The following ZNF100 variants were observed in gnomAD, a reference collection of about 807,000 sequenced individuals.
ZNF100 encodes zinc finger protein 100, also known as zinc finger protein 100 (Y1).
Under a neutral mutation model 15.8 loss-of-function variants are expected in ZNF100, and 12 were observed. That is an observed-to-expected ratio of 0.76 (90% confidence interval 0.49 to 1.23). ZNF100 has a LOEUF of 1.23. Among genes scored for constraint, ZNF100 ranks in the 50% most tolerant of loss-of-function variants. The pLI, the probability that ZNF100 is intolerant of heterozygous loss-of-function variation, is 0.00. For missense variants in ZNF100, 670 were observed against 635.6 expected (o/e 1.05, Z -0.58); for synonymous variants, 226 against 214.8 (o/e 1.05, Z -0.45).
chr19:21,738,493 A>C (rs2036050778), intron 4 of ZNF100, among the ~76,000 whole-genome samples: 1 of 151,958 alleles, frequency 6.6e-6, no homozygotes, highest in South Asian at 2.1e-4. Flanking sequence ...AGAATAGAGA[A>C]CTCAGAAATA....
intron 4 of ZNF100, among the ~76,000 whole-genome samples, chr19:21,741,646 AT>A (rs1259670245): frequency 1.3e-5 from 2 of 150,886 alleles, no homozygotes; most frequent in African/African-American, 2.4e-5. Flanking sequence ...AAGTGCTAGG[AT>A]TACAGGCATG....
intron 2 of ZNF100, among the ~76,000 whole-genome samples, chr19:21,745,738 G>A (rs2036202169): frequency 6.6e-6 from 1 of 152,008 alleles, no homozygotes; most frequent in Admixed American, 6.6e-5. Flanking sequence ...TAGCCAGGAT[G>A]GTCTCGATCT....
At position 21,724,614 on chromosome 19, in the gene ZNF100, G is replaced by A. The variant is rs576211939; in HGVS notation, c.*2069C>T. On this transcript the variant is annotated 3_prime_UTR_variant, in exon 5 of 5. Transcript: ENST00000358296. ...AAACTGGGTTGCTTGTAATACAAAG[G>A]ATAAATACTAGAGGTGATGGATACC... 6.6e-6 allele frequency: 1 copy of A among 151,944 alleles called. No individual in the cohort carries two copies. The highest frequency in any genetic ancestry group is 2.4e-5 in the African/African-American group (1 of 41,414). The allele number at this position is 151,944 out of a possible 1,614,324, so 9.4% of individuals were successfully genotyped here.
intron 4 of ZNF100, among the ~76,000 whole-genome samples, chr19:21,735,310 C>T (rs779619658): frequency 2.6e-5 from 4 of 151,868 alleles, no homozygotes; most frequent in South Asian, 2.1e-4. Flanking sequence ...TTAGCTAACA[C>T]GGTGAAACCC....
chr19:21,742,707 A>G (rs2036139339), intron 4 of ZNF100, among the ~76,000 whole-genome samples: 1 of 152,070 alleles, frequency 6.6e-6, no homozygotes, highest in African/African-American at 2.4e-5. Flanking sequence ...GGATCATATG[A>G]TCTTATATAT....
At position 21,727,922 on chromosome 19, in the gene ZNF100, C is replaced by A. The variant is rs573156515; in HGVS notation, c.390G>T (p.Ala130=). The A allele has an allele frequency of 1.3e-6, 2 of 1,592,188 alleles. No homozygotes were observed. Among genetic ancestry groups the A allele is most frequent in the South Asian group, 1.2e-5 (1 of 86,146 alleles). ...EQDIKDSFQE[A]ILKKYGKYGH... is the part of the protein sequence containing the mutation. Reference sequence around the variant, plus strand: ...CATATTTTCCATATTTTTTCAGAATCGCTTCTTGAAAAGAATCTTTAATGT... The same window carrying A: ...CATATTTTCCATATTTTTTCAGAATAGCTTCTTGAAAAGAATCTTTAATGT... Residue 130 remains alanine, a synonymous_variant, in exon 5 of 5, where the codon GCG becomes GCT. Coordinates refer to ENST00000358296, the MANE Select transcript of ZNF100 (RefSeq NM_173531.4).
In ZNF100 at chr19:21,730,034, CAG is replaced by C. The variant is rs533273203; in HGVS notation, c.323-2047_323-2046del. On this transcript the variant is annotated intron_variant, in intron 4 of 4. Coordinates refer to ENST00000358296, the MANE Select transcript of ZNF100 (RefSeq NM_173531.4). ...ATATAAAAATAAAAAGATACAAAGA[CAG>C]AGAGAAAATGAGTGACCAAGATATA... Among the ~76,000 whole-genome samples the C allele has an allele frequency of 3.1e-4, 46 of 150,148 alleles. No homozygotes were observed. In the South Asian group the frequency reaches 8.1e-3, roughly 27 times the overall value.
intron 2 of ZNF100, among the ~76,000 whole-genome samples, chr19:21,763,297 A>G (rs1396829344): frequency 2.8e-5 from 1 of 35,274 alleles, no homozygotes; most frequent in African/African-American, 6.6e-5. Flanking sequence ...TCTTTTTCTC[A>G]TGAAAAAAAA....
chr19:21,746,599 G>T (rs2036215427), intron 2 of ZNF100, among the ~76,000 whole-genome samples: 1 of 152,070 alleles, frequency 6.6e-6, no homozygotes, highest in Admixed American at 6.6e-5. Flanking sequence ...TAGGAATTCT[G>T]CATGGCATAT....
chr19:21,750,264 C>T (rs1182275362), intron 2 of ZNF100, among the ~76,000 whole-genome samples: 2 of 152,144 alleles, frequency 1.3e-5, no homozygotes, highest in East Asian at 1.9e-4. Context: ...TTAATTCTAC[C>T]AGATGTACAA....
chr19:21,742,021 G>A (rs1468435163), intron 4 of ZNF100, among the ~76,000 whole-genome samples: 1 of 152,020 alleles, frequency 6.6e-6, no homozygotes, highest in Non-Finnish European at 1.5e-5. Context: ...GGTAGGCTGG[G>A]CGCGGTGGCC....
Position 21,744,961 on chromosome 19 carries a change from T to C in ZNF100, c.203A>G (p.Tyr68Cys). 6.2e-7 allele frequency: 1 copy of C among 1,610,084 alleles called. No homozygotes were observed. Among genetic ancestry groups the C allele is most frequent in the Non-Finnish European group, 8.5e-7 (1 of 1,179,196 alleles). ...GLYRKVMLEN[Y>C]RNLVFLAGIA... ...CTCACCCAAGAAGACCAGGTTTCTG[T>C]AGTTCTCTAACATCACTTTCCTATA... Residue 68 changes from tyrosine (Y) to cysteine (C), a missense_variant, in exon 3 of 5, where the codon TAC (tyrosine) becomes TGC (cysteine). Transcript: ENST00000358296.
At chr19:21,758,494 G>A (rs1568310966) in intron 2 of ZNF100, among the ~76,000 whole-genome samples, 1 of 152,176 alleles carries the variant, frequency 6.6e-6, no homozygotes, top group African/African-American at 2.4e-5. Flanking sequence ...CCCAGGTGGC[G>A]CTGTACTCTG....
rs1300024218 is a variant in ZNF100 at position 21,726,636 on chromosome 19, T to A, written c.*47A>T. 7.8e-7 allele frequency: 1 copy of A among 1,283,150 alleles called. No homozygotes were observed. Among genetic ancestry groups the A allele is most frequent in the Non-Finnish European group, 1.1e-6 (1 of 941,058 alleles). 79.5% of individuals were successfully genotyped at this position (1,283,150 alleles called of 1,614,324 possible). On this transcript the variant is annotated 3_prime_UTR_variant, in exon 5 of 5. Transcript: ENST00000358296. The stretch of plus-strand genomic sequence containing the variant: ...GAGTTCCCTCCAGTATGAATTTTTT[T>A]ATGTTTAGTAAGAGTTGAGGACTGG...
At position 21,727,348 on chromosome 19, in the gene ZNF100, A is replaced by C. The variant is rs191905918; in HGVS notation, c.964T>G (p.Cys322Gly). 2 of 1,612,784 alleles carry C rather than the reference A, an allele frequency of 1.2e-6. No individual in the cohort carries two copies. Among genetic ancestry groups the C allele is most frequent in the East Asian group, 4.5e-5 (2 of 44,866 alleles). Residue 322 changes from cysteine to glycine, a missense_variant, in exon 5 of 5, where the codon TGT becomes GGT. Transcript: ENST00000358296. ...TGVKPYKCTE[C>G]GKAFNRSSHL... Reference sequence around the variant, plus strand: ...GAGGACCGGTTAAAAGCTTTGCCACATTCTGTACATTTGTAGGGTTTCACT... The same window carrying C: ...GAGGACCGGTTAAAAGCTTTGCCACCTTCTGTACATTTGTAGGGTTTCACT...
At chr19:21,742,060 C>A (rs2036118846) in intron 4 of ZNF100, among the ~76,000 whole-genome samples, 1 of 152,090 alleles carries the variant, frequency 6.6e-6, no homozygotes, top group Non-Finnish European at 1.5e-5. Flanking sequence ...CTCTGGGAGG[C>A]TGAGGCAGAG....
chr19:21,755,232 A>C (rs1018132833), intron 2 of ZNF100, among the ~76,000 whole-genome samples: 1 of 151,960 alleles, frequency 6.6e-6, no homozygotes, highest in African/African-American at 2.4e-5. Flanking sequence ...GCTTGAACCC[A>C]GGAGGCAGAG....
At chr19:21,756,447 C>T (rs2036394554) in intron 2 of ZNF100, among the ~76,000 whole-genome samples, 1 of 152,050 alleles carries the variant, frequency 6.6e-6, no homozygotes, top group South Asian at 2.1e-4. Flanking sequence ...CAACAACATC[C>T]AAGCCAAAAG....
rs2035712394 is a variant in ZNF100, at chr19:21,723,220, TGTG to T, written c.*3460_*3462del. 6.6e-6 allele frequency: 1 copy of T among 150,584 alleles called. No individual in the cohort carries two copies. The allele number at this position is 150,584 out of a possible 1,614,324, so 9.3% of individuals were successfully genotyped here. On this transcript the variant is annotated 3_prime_UTR_variant, in exon 5 of 5. Transcript: ENST00000358296. The stretch of plus-strand genomic sequence containing the variant: ...TTAAAAAAAAAAAAATTCAGCCAGA[TGTG>T]GTGGCAGGTGCCTGTAATCCCAGCT...
Sources: gnomAD v4.1 joint callset for allele counts (sites outside exome capture counted in the v4.1 genomes callset) on GRCh38, gnomAD v4.1.1 for gene constraint, MANE v1.5 for transcripts, NCBI Gene and HGNC (gene_info 2026-07-23, HGNC 2026-07-21) for gene names.